FMN1: variants seen among roughly 807,000 people sequenced by gnomAD.
The protein encoded by FMN1 is formin-1.
FMN1 carries 110 observed loss-of-function variants against 132.4 expected under a neutral mutation model. The observed-to-expected ratio is 0.83, with a 90% CI of 0.71 to 0.97. FMN1 has a LOEUF of 0.97. FMN1 is among the 50% of genes least tolerant of loss of function. The pLI is 0.00. For missense variants in FMN1, 1,792 were observed against 1,705.3 expected (o/e 1.05, Z -0.90); for synonymous variants, 722 against 651.7 (o/e 1.11, Z -1.64).
chr15:32,871,610 A>G (rs2059519038), intron 16 of FMN1, among the ~76,000 whole-genome samples: 1 of 152,176 alleles, frequency 6.6e-6, no homozygotes, highest in African/African-American at 2.4e-5. Context: ...TCATTTCTTT[A>G]GGAAATGACC....
chr15:32,943,364 A>G (rs1053265915), intron 9 of FMN1, among the ~76,000 whole-genome samples: 2 of 152,208 alleles, frequency 1.3e-5, no homozygotes, highest in Admixed American at 6.5e-5. Flanking sequence ...CCATCAAACT[A>G]GTGTTATCTC....
At chr15:32,991,778 G>A (rs2033449900) in intron 7 of FMN1, among the ~76,000 whole-genome samples, 1 of 152,044 alleles carries the variant, frequency 6.6e-6, no homozygotes, top group African/African-American at 2.4e-5. Flanking sequence ...ATCCCACAAG[G>A]GCAAACAATG....
chr15:33,168,630 G>A (rs952244975), intron 3 of FMN1, among the ~76,000 whole-genome samples: 19 of 152,096 alleles, frequency 1.2e-4, no homozygotes, highest in African/African-American at 4.6e-4. Flanking sequence ...CTGCCACAGG[G>A]GATATACTAA....
At chr15:32,778,200 A>C in intron 19 of FMN1, among the ~76,000 whole-genome samples, 1 of 137,098 alleles carries the variant, frequency 7.3e-6, no homozygotes, top group East Asian at 2.2e-4. Flanking sequence ...TATATAATAC[A>C]TTTATTTATA....
rs180863998 is a variant in FMN1 at position 33,001,949 on chromosome 15, G to C, written c.2223+6065C>G. Among the ~76,000 whole-genome samples, 177 of 152,166 alleles carry C rather than the reference G, an allele frequency of 1.2e-3. 1 individual carries two copies. The highest frequency in any genetic ancestry group is 3.8e-3 in the African/African-American group (158 of 41,508). ...GAACTACAGGGTAAAATAATCAACT[G>C]TCCAATCCAAATATTTTAGGTGATA... On this transcript the variant is annotated intron_variant, in intron 7 of 20. Transcript: ENST00000616417.
rs560056269 is a variant in FMN1, at chr15:33,109,716, CAG to C, written c.1868-20744_1868-20743del. Among the ~76,000 whole-genome samples the C allele has an allele frequency of 9.9e-5, 15 of 151,774 alleles. No homozygotes were observed. The South Asian group carries it at 1.9e-3, about 19-fold the overall frequency. ...GGGAGCATGAGAGGAGGGAGAGAAA[CAG>C]AAACAATATTCGATACTGGGCCTAA... On this transcript the variant is annotated intron_variant, in intron 4 of 20. Coordinates refer to ENST00000616417, the MANE Select transcript of FMN1 (RefSeq NM_001277313.2).
chr15:32,851,215 C>A (rs908791012), intron 17 of FMN1, among the ~76,000 whole-genome samples: 1 of 152,114 alleles, frequency 6.6e-6, no homozygotes, highest in Non-Finnish European at 1.5e-5. Context: ...GCGAAATTAA[C>A]GGAGAATGAG....
At chr15:33,014,640 A>G (rs976419195) in intron 6 of FMN1, among the ~76,000 whole-genome samples, 7 of 152,202 alleles carry the variant, frequency 4.6e-5, no homozygotes, top group Non-Finnish European at 8.8e-5. Flanking sequence ...AACATTTTGG[A>G]GGAAAAAAAA....
chr15:33,015,681 G>A (rs1195796094), intron 6 of FMN1, among the ~76,000 whole-genome samples: 1 of 149,344 alleles, frequency 6.7e-6, no homozygotes, highest in Non-Finnish European at 1.5e-5. Flanking sequence ...TCACATTGTT[G>A]TATTTTCAAG....
intron 11 of FMN1, 24 bp from the exon 12 acceptor site, chr15:32,908,602 C>CAAAAAAAAAAAAAAAA: frequency 1.5e-6 from 1 of 679,788 alleles, no homozygotes; most frequent in Non-Finnish European, 2.0e-6. Flanking sequence ...GAAAACAAAA[C>CAAAAAAAAAAAAAAAA]CAAAAAAAAA....
intron 2 of FMN1, among the ~76,000 whole-genome samples, chr15:33,183,118 T>A (rs1415914698): frequency 6.6e-6 from 1 of 152,190 alleles, no homozygotes; most frequent in Non-Finnish European, 1.5e-5. Context: ...TTTCCTCTAT[T>A]ACTTCCACCA....
At chr15:33,111,960 G>T (rs776649229) in intron 4 of FMN1, among the ~76,000 whole-genome samples, 1 of 152,066 alleles carries the variant, frequency 6.6e-6, no homozygotes, top group African/African-American at 2.4e-5. Context: ...TCTTAATAAA[G>T]CTGTTTTTAA....
chr15:32,990,424 G>A (rs1256948719), intron 7 of FMN1, among the ~76,000 whole-genome samples: 1 of 152,150 alleles, frequency 6.6e-6, no homozygotes, highest in Non-Finnish European at 1.5e-5. Flanking sequence ...ACAGATAGGA[G>A]ACAAGTAGCA....
chr15:32,909,152 C>CTT (rs2060498563), intron 11 of FMN1, among the ~76,000 whole-genome samples: 1 of 152,198 alleles, frequency 6.6e-6, no homozygotes, highest in African/African-American at 2.4e-5. Context: ...AAGCGGCAAC[C>CTT]ATGTGCTTAG....
At chr15:32,898,813 C>G in intron 15 of FMN1, 21 bp downstream of exon 15, 1 of 1,533,078 alleles carries the variant, frequency 6.5e-7, no homozygotes, top group Non-Finnish European at 9.0e-7. Flanking sequence ...TGAAACTTTT[C>G]CACGTAATAC....
intron 5 of FMN1, among the ~76,000 whole-genome samples, chr15:33,088,221 A>AC (rs1566904758): frequency 6.6e-6 from 1 of 152,174 alleles, no homozygotes; most frequent in East Asian, 1.9e-4. Context: ...AAAAAAATTT[A>AC]AAAAATTTAA....
intron 6 of FMN1, among the ~76,000 whole-genome samples, chr15:33,035,166 G>T (rs1367090855): frequency 6.6e-6 from 1 of 152,056 alleles, no homozygotes; most frequent in African/African-American, 2.4e-5. Context: ...TTAAATAACA[G>T]GATCTAGTGG....
intron 7 of FMN1, among the ~76,000 whole-genome samples, chr15:32,994,938 T>G (rs1435889145): frequency 1.3e-5 from 2 of 152,144 alleles, no homozygotes; most frequent in African/African-American, 4.8e-5. Flanking sequence ...TTTCATGTGT[T>G]TAAAGCAAAA....
At chr15:32,821,927 A>G (rs1003206723) in intron 17 of FMN1, among the ~76,000 whole-genome samples, 5 of 152,168 alleles carry the variant, frequency 3.3e-5, no homozygotes, top group Non-Finnish European at 5.9e-5. Context: ...CTGCAATTTT[A>G]TTTCCACATT....
Sources: gnomAD v4.1 joint callset for allele counts (sites outside exome capture counted in the v4.1 genomes callset) on GRCh38, gnomAD v4.1.1 for gene constraint, MANE v1.5 for transcripts, NCBI Gene and HGNC (gene_info 2026-07-23, HGNC 2026-07-21) for gene names.